The following ALDH18A1 variants were observed in gnomAD, a reference collection of about 807,000 sequenced individuals.
The protein encoded by ALDH18A1 is aldehyde dehydrogenase 18 family member A1.
A neutral mutation model predicts 88.8 loss-of-function variants in ALDH18A1; 44 were observed. That is an observed-to-expected ratio of 0.50 (90% confidence interval 0.39 to 0.64). The LOEUF (loss-of-function observed/expected upper bound fraction) is 0.64, where lower values mean the gene tolerates loss of function less well. ALDH18A1 is among the 30% of genes least tolerant of loss of function. The pLI is 0.00. For synonymous variants in ALDH18A1, 331 were observed against 372.1 expected, an observed-to-expected ratio of 0.89 and a Z score of 1.27; for missense variants, 782 against 1,009.5, an observed-to-expected ratio of 0.77 and a Z score of 3.05.
rs1341599874 is a variant in ALDH18A1 at position 95,611,374 on chromosome 10, G to A, written c.1992C>T (p.Leu664=). ...ATTCCAGGTCCCCATACTCAGTTCG[G>A]AGTGACTTCACTTCGGAGGGGCTGA... is the stretch of plus-strand genomic sequence containing the variant. The part of the protein sequence containing the change: ...LTFSPSEVKS[L]RTEYGDLELC... The change falls in exon 16 of 18, where the codon CTC becomes CTT. Residue 664 remains leucine (L), a synonymous_variant. Coordinates refer to ENST00000371224, the MANE Select transcript of ALDH18A1 (RefSeq NM_002860.4). 1 of 1,614,186 alleles carries A rather than the reference G, an allele frequency of 6.2e-7. No individual in the cohort carries two copies. Among genetic ancestry groups the A allele is most frequent in the South Asian group, 1.1e-5 (1 of 91,084 alleles).
chr10:95,610,375 AGGGCAGGGTCT>A (rs1375045884), intron 16 of ALDH18A1, 83 bp from the exon 17 acceptor site: 3 of 1,398,232 alleles, frequency 2.1e-6, no homozygotes, highest in Admixed American at 1.8e-5. Flanking sequence ...GTGACAGATC[AGGGCAGGGTCT>A]GGGTCCCCAC....
Position 95,614,216 on chromosome 10 carries a change from A to C in ALDH18A1, c.1606-55T>G, listed in dbSNP as rs2097840745. The C allele has an allele frequency of 2.6e-6, 4 of 1,555,948 alleles. No individual in the cohort carries two copies. The South Asian group carries it at 4.5e-5, about 17-fold the overall frequency. Reference sequence around the variant, plus strand: ...ATGACATCTGACCACACAAAATATAAAAACAGCAGCTTCCCTTTTACAGAT... The same window carrying C: ...ATGACATCTGACCACACAAAATATACAAACAGCAGCTTCCCTTTTACAGAT... On this transcript the variant is annotated intron_variant, in intron 13 of 17. Coordinates refer to ENST00000371224, the MANE Select transcript of ALDH18A1 (RefSeq NM_002860.4).
chr10:95,641,654 T>C lies in ALDH18A1; in HGVS notation c.303+1338A>G, dbSNP rs188372517. 9.3e-4 allele frequency among the ~76,000 whole-genome samples: 141 copies of C among 151,996 alleles called. 1 individual carries two copies. Among genetic ancestry groups the C allele is most frequent in the African/African-American group, 3.2e-3 (133 of 41,456 alleles). ...TCAGCCTACCAAGAAGTTAGAACTT[T>C]TTGAGACAGGGTCTTGCTCTGTCAC... On this transcript the variant is annotated intron_variant, in intron 3 of 17. Transcript: ENST00000371224.
chr10:95,634,092 G>A (rs2097876217), intron 5 of ALDH18A1, among the ~76,000 whole-genome samples: 1 of 151,872 alleles, frequency 6.6e-6, no homozygotes, highest in Non-Finnish European at 1.5e-5. Context: ...AATTTTTGTA[G>A]AGATAAAAAA....
At chr10:95,646,590 C>T (rs567688491) in intron 2 of ALDH18A1, among the ~76,000 whole-genome samples, 1 of 151,966 alleles carries the variant, frequency 6.6e-6, no homozygotes, top group South Asian at 2.1e-4. Context: ...GCTGACCCTA[C>T]CTTTCTTGGG....
At chr10:95,610,579 G>C (rs1217156692) in intron 16 of ALDH18A1, among the ~76,000 whole-genome samples, 1 of 152,184 alleles carries the variant, frequency 6.6e-6, no homozygotes, top group Non-Finnish European at 1.5e-5. Flanking sequence ...AGACTTCCTA[G>C]GCCTGAACTC....
intron 15 of ALDH18A1, among the ~76,000 whole-genome samples, chr10:95,611,970 A>AAAG (rs1052449922): frequency 4.0e-5 from 5 of 123,638 alleles, no homozygotes; most frequent in African/African-American, 1.3e-4. Context: ...ACTCCGTCTC[A>AAAG]AAGAAAAAAA....
chr10:95,611,611 C>T (rs2097834681), intron 15 of ALDH18A1, among the ~76,000 whole-genome samples, 169 bp from the exon 16 acceptor site: 1 of 152,200 alleles, frequency 6.6e-6, no homozygotes, highest in African/African-American at 2.4e-5. Context: ...TGACTGGCCA[C>T]TTGCCAGCAA....
At chr10:95,642,840 T>C in intron 3 of ALDH18A1, 152 bp downstream of exon 3, 1 of 831,842 alleles carries the variant, frequency 1.2e-6, no homozygotes, top group Non-Finnish European at 1.9e-6. Context: ...CTCACTGGCG[T>C]CTACAGTGGG....
chr10:95,612,640 A>T (rs1039634524), intron 15 of ALDH18A1, among the ~76,000 whole-genome samples: 1 of 152,110 alleles, frequency 6.6e-6, no homozygotes, highest in Non-Finnish European at 1.5e-5. Context: ...ACAGTGACTC[A>T]TTTTGATTTG....
chr10:95,625,102 C>CT (rs1020602946), intron 11 of ALDH18A1, among the ~76,000 whole-genome samples: 10 of 152,194 alleles, frequency 6.6e-5, no homozygotes, highest in African/African-American at 1.9e-4. Flanking sequence ...CAATCTTGTT[C>CT]TTTTTTGTCC....
At chr10:95,621,870 CTAAA>C (rs916504043) in intron 11 of ALDH18A1, among the ~76,000 whole-genome samples, 3 of 152,068 alleles carry the variant, frequency 2.0e-5, no homozygotes, top group African/African-American at 7.2e-5. Flanking sequence ...TGAATTCTAC[CTAAA>C]TATTCAGACA....
intron 10 of ALDH18A1, among the ~76,000 whole-genome samples, chr10:95,626,323 A>G (rs995155016): frequency 3.9e-5 from 6 of 152,134 alleles, no homozygotes; most frequent in African/African-American, 1.4e-4. Flanking sequence ...GCTACCAACT[A>G]TGGAGCAGGC....
Position 95,633,494 on chromosome 10 carries a change from T to C in ALDH18A1, c.714A>G (p.Val238=), listed in dbSNP as rs2097874533. 2 of 1,614,158 alleles carry C rather than the reference T, an allele frequency of 1.2e-6. No homozygotes were observed. Among genetic ancestry groups the C allele is most frequent in the Non-Finnish European group, 1.7e-6 (2 of 1,180,020 alleles). The part of the protein sequence containing the change: ...PAEPNSDLQG[V]NVISVKDNDS... Reference sequence around the variant, plus strand: ...CCCTTAGAAATACTTTACCCACATTTACCCCCTGCAGGTCACTGTTGGGCT... The same window carrying C: ...CCCTTAGAAATACTTTACCCACATTCACCCCCTGCAGGTCACTGTTGGGCT... The change falls in exon 6 of 18, where the codon GTA becomes GTG. Residue 238 remains valine, a synonymous_variant. Transcript: ENST00000371224.
chr10:95,632,478 G>C (rs183790494), intron 7 of ALDH18A1, among the ~76,000 whole-genome samples: 35 of 152,286 alleles, frequency 2.3e-4, no homozygotes, highest in African/African-American at 7.9e-4. Context: ...TGAACCTTCT[G>C]CTTCAGCCCC....
rs749049 is a variant in ALDH18A1, at chr10:95,616,339, A to T, written c.1605+138T>A. On this transcript the variant is annotated intron_variant, in intron 13 of 17. Transcript: ENST00000371224. ...GCTCTGCAGAATGGCCTAAAGTCTG[A>T]AGGCTCACAGGCCTGCTGGAGTGTC... 0.49 allele frequency: 609,535 copies of T among 1,238,366 alleles called. 152,781 individuals carry two copies. Among genetic ancestry groups the T allele is most frequent in the Admixed American group, 0.56 (26,959 of 48,326 alleles). 76.7% of individuals were successfully genotyped at this position (1,238,366 alleles called of 1,614,324 possible).
At chr10:95,628,653 A>T in intron 7 of ALDH18A1, 161 bp from the exon 8 acceptor site, 1 of 755,176 alleles carries the variant, frequency 1.3e-6, no homozygotes, top group South Asian at 1.7e-5. Flanking sequence ...GGGATTCGAC[A>T]CTGACAAACA....
chr10:95,648,721 G>A (rs2097905128), intron 2 of ALDH18A1, among the ~76,000 whole-genome samples: 1 of 152,154 alleles, frequency 6.6e-6, no homozygotes. Context: ...GCCTGCTGGA[G>A]AATGAGAAGC....
intron 4 of ALDH18A1, 22 bp downstream of exon 4, chr10:95,637,265 T>A: frequency 6.2e-7 from 1 of 1,614,186 alleles, no homozygotes; most frequent in Non-Finnish European, 8.5e-7. Context: ...TCCATTTCAA[T>A]GTGTGGGGAA....
Sources: gnomAD v4.1 joint callset for allele counts (sites outside exome capture counted in the v4.1 genomes callset) on GRCh38, gnomAD v4.1.1 for gene constraint, MANE v1.5 for transcripts, NCBI Gene and HGNC (gene_info 2026-07-23, HGNC 2026-07-21) for gene names.